GRID2: variants seen among roughly 807,000 people sequenced by gnomAD.
GRID2 encodes the protein glutamate ionotropic receptor delta type subunit 2, also known as glutamate receptor ionotropic, delta-2.
In GRID2, 33 loss-of-function variants were observed where a neutral mutation model predicts 114.8. The observed-to-expected ratio is 0.29, with a 90% CI of 0.22 to 0.38. The LOEUF (loss-of-function observed/expected upper bound fraction) is 0.38. Among genes scored for constraint, GRID2 ranks in the 10% least tolerant of loss-of-function variants. The pLI, the probability that GRID2 is intolerant of heterozygous loss-of-function variation, is 1.00. For missense variants in GRID2, 1,184 were observed against 1,257.7 expected, an observed-to-expected ratio of 0.94 and a Z score of 0.89; for synonymous variants, 505 against 449.9, an observed-to-expected ratio of 1.12 and a Z score of -1.55.
intron 14 of GRID2, among the ~76,000 whole-genome samples, chr4:93,644,360 T>G (rs551118446): frequency 6.9e-6 from 1 of 145,268 alleles, no homozygotes; most frequent in South Asian, 2.2e-4. Flanking sequence ...ATCTTAATGA[T>G]ATTTTTACCA....
At chr4:93,270,250 ACACACACACG>A (rs1157943223) in intron 8 of GRID2, among the ~76,000 whole-genome samples, 1 of 144,426 alleles carries the variant, frequency 6.9e-6, no homozygotes, top group African/African-American at 2.7e-5. Context: ...ACACACACAC[ACACACACACG>A]AGGTTGCAGG....
chr4:93,306,870 TA>T (rs1482151136), intron 8 of GRID2, among the ~76,000 whole-genome samples: 31 of 152,298 alleles, frequency 2.0e-4, no homozygotes, highest in South Asian at 1.5e-3. Context: ...TTTTACTTGA[TA>T]AAATGTAAAT....
chr4:93,293,067 G>C (rs1050599476), intron 8 of GRID2, among the ~76,000 whole-genome samples: 1 of 152,138 alleles, frequency 6.6e-6, no homozygotes, highest in African/African-American at 2.4e-5. Context: ...CAGTCCTGCT[G>C]CACCCCTGAG....
rs188727733 is a variant in GRID2 at position 92,948,748 on chromosome 4, T to G, written c.245-136247T>G. 2.6e-5 allele frequency among the ~76,000 whole-genome samples: 4 copies of G among 152,176 alleles called. No individual in the cohort carries two copies. The East Asian group carries it at 7.7e-4, about 29-fold the overall frequency. On this transcript the variant is annotated intron_variant, in intron 2 of 15. Transcript: ENST00000282020. ...TTGACAGTTTACCATACCAGAATCG[T>G]TTCTTTTGCAAATTGAAGTATAATG... is the stretch of plus-strand genomic sequence containing the variant.
intron 1 of GRID2, among the ~76,000 whole-genome samples, chr4:92,391,194 T>G (rs1258087966): frequency 6.6e-6 from 1 of 152,178 alleles, no homozygotes; most frequent in Non-Finnish European, 1.5e-5. Flanking sequence ...GAGTACACTT[T>G]GGAAGTTTTT....
chr4:92,334,108 A>C (rs1247837440), intron 1 of GRID2, among the ~76,000 whole-genome samples: 1 of 152,080 alleles, frequency 6.6e-6, no homozygotes, highest in African/African-American at 2.4e-5. Flanking sequence ...ATTCCTCCAC[A>C]TTCTTTGCTA....
chr4:93,434,002 G>A (rs1362010630), intron 10 of GRID2, among the ~76,000 whole-genome samples: 1 of 152,132 alleles, frequency 6.6e-6, no homozygotes, highest in East Asian at 1.9e-4. Flanking sequence ...AAAGGCATTA[G>A]TTATGGATAC....
At chr4:92,367,665 G>A (rs1329985506) in intron 1 of GRID2, among the ~76,000 whole-genome samples, 1 of 152,068 alleles carries the variant, frequency 6.6e-6, no homozygotes, top group Non-Finnish European at 1.5e-5. Context: ...ATAAGCTATG[G>A]TATTTTCATC....
intron 2 of GRID2, among the ~76,000 whole-genome samples, chr4:92,906,387 C>T (rs983106465): frequency 7.3e-6 from 1 of 137,572 alleles, no homozygotes; most frequent in African/African-American, 2.6e-5. Context: ...ATTTTTAAGC[C>T]TTTCAAGAAT....
chr4:93,265,689 G>A (rs561538902), intron 8 of GRID2, among the ~76,000 whole-genome samples: 1 of 152,090 alleles, frequency 6.6e-6, no homozygotes, highest in South Asian at 2.1e-4. Context: ...AACAAGTAAG[G>A]TAATTATTTA....
At chr4:93,789,213 A>G (rs866675649) in intron 1 of GRID2, among the ~76,000 whole-genome samples, 1 of 152,222 alleles carries the variant, frequency 6.6e-6, no homozygotes. Flanking sequence ...AGATAGCCAT[A>G]TAAATTATTT....
Position 92,957,899 on chromosome 4 carries a change from T to C in GRID2, c.245-127096T>C, listed in dbSNP as rs537051912. 3.8e-4 allele frequency among the ~76,000 whole-genome samples: 58 copies of C among 152,176 alleles called. No individual in the cohort carries two copies. The Middle Eastern group carries it at 0.01, about 27-fold the overall frequency. On this transcript the variant is annotated intron_variant, in intron 2 of 15. Coordinates refer to ENST00000282020, the MANE Select transcript of GRID2 (RefSeq NM_001510.4). Reference sequence around the variant, plus strand: ...GTTACATTTATATTTAAATATTTCCTTTTGGGGATGCTAATGTAAATAGTG... The same window carrying C: ...GTTACATTTATATTTAAATATTTCCCTTTGGGGATGCTAATGTAAATAGTG...
intron 2 of GRID2, among the ~76,000 whole-genome samples, chr4:92,663,737 C>G (rs1482140830): frequency 2.0e-5 from 3 of 151,106 alleles, no homozygotes; most frequent in Non-Finnish European, 4.5e-5. Flanking sequence ...CACCATCTGT[C>G]TGCAGAACTC....
At chr4:93,740,413 A>T (rs1252108402) in intron 14 of GRID2, among the ~76,000 whole-genome samples, 2 of 152,168 alleles carry the variant, frequency 1.3e-5, no homozygotes, top group African/African-American at 4.8e-5. Context: ...GTTTTTGGGA[A>T]CTGACTTACC....
At chr4:93,566,433 T>G (rs1211715836) in intron 13 of GRID2, among the ~76,000 whole-genome samples, 1 of 152,102 alleles carries the variant, frequency 6.6e-6, no homozygotes, top group Non-Finnish European at 1.5e-5. Context: ...ATATTTTGAT[T>G]ATGGTCATGA....
chr4:93,053,790 G>A (rs1259671237), intron 2 of GRID2, among the ~76,000 whole-genome samples: 1 of 151,914 alleles, frequency 6.6e-6, no homozygotes, highest in Non-Finnish European at 1.5e-5. Flanking sequence ...GAGTAGAGGA[G>A]ACTGGATAAT....
intron 8 of GRID2, among the ~76,000 whole-genome samples, chr4:93,307,696 A>G (rs1427913215): frequency 6.6e-6 from 1 of 152,180 alleles, no homozygotes; most frequent in Non-Finnish European, 1.5e-5. Context: ...CTTAAATTTA[A>G]TGATAATAAT....
At chr4:93,105,866 C>T (rs1047971345) in intron 3 of GRID2, among the ~76,000 whole-genome samples, 3 of 152,072 alleles carry the variant, frequency 2.0e-5, no homozygotes, top group African/African-American at 7.2e-5. Flanking sequence ...ATTTTAAGAT[C>T]AGACAATTAA....
intron 4 of GRID2, among the ~76,000 whole-genome samples, chr4:93,205,840 G>T (rs927798259): frequency 6.6e-6 from 1 of 151,920 alleles, no homozygotes; most frequent in Non-Finnish European, 1.5e-5. Flanking sequence ...ACTTTTTAAT[G>T]ATCGCCATTC....
Sources: allele counts gnomAD v4.1 joint callset (sites outside exome capture counted in the v4.1 genomes callset), GRCh38; gene constraint gnomAD v4.1.1; transcripts MANE v1.5; gene names NCBI Gene and HGNC (gene_info 2026-07-23, HGNC 2026-07-21).